DENND1A: variants seen among roughly 807,000 people sequenced by gnomAD.
DENND1A encodes DENN domain-containing protein 1A.
In DENND1A, 51 loss-of-function variants were observed where a neutral mutation model predicts 113.7. That is an observed-to-expected ratio of 0.45 (90% CI 0.36 to 0.57). The LOEUF (loss-of-function observed/expected upper bound fraction) is 0.57, where lower values mean the gene tolerates loss of function less well. DENND1A is among the 20% of genes least tolerant of loss of function. The pLI is 0.00. For missense variants in DENND1A, 1,258 were observed against 1,395.9 expected, an observed-to-expected ratio of 0.90 and a Z score of 1.57; for synonymous variants, 565 against 570.8, an observed-to-expected ratio of 0.99 and a Z score of 0.14.
intron 5 of DENND1A, among the ~76,000 whole-genome samples, chr9:123,744,770 CTTTTTTTTT>C (rs57945475): frequency 9.7e-6 from 1 of 102,732 alleles, no homozygotes; most frequent in African/African-American, 3.7e-5. Flanking sequence ...TATATTAGCT[CTTTTTTTTT>C]TTTTTTTTTT....
intron 8 of DENND1A, among the ~76,000 whole-genome samples, chr9:123,661,555 C>T (rs2063235079): frequency 6.6e-6 from 1 of 152,182 alleles, no homozygotes; most frequent in South Asian, 2.1e-4. Flanking sequence ...GCCACTGCCC[C>T]CAAAATAGCC....
intron 5 of DENND1A, among the ~76,000 whole-genome samples, chr9:123,738,083 A>C (rs768550173): frequency 6.6e-6 from 1 of 152,226 alleles, no homozygotes; most frequent in African/African-American, 2.4e-5. Flanking sequence ...ACATGTTAAC[A>C]TCTATCAAGG....
chr9:123,632,055 T>C (rs941043706), intron 9 of DENND1A, among the ~76,000 whole-genome samples: 1 of 152,196 alleles, frequency 6.6e-6, no homozygotes, highest in Non-Finnish European at 1.5e-5. Flanking sequence ...AACATTTACG[T>C]GGCGAAAGAG....
intron 5 of DENND1A, among the ~76,000 whole-genome samples, chr9:123,752,287 G>A (rs2070121652): frequency 6.6e-6 from 1 of 152,108 alleles, no homozygotes; most frequent in Non-Finnish European, 1.5e-5. Flanking sequence ...CAAGTGTTAT[G>A]TATTGCCCAT....
chr9:123,693,144 A>G (rs1170928150), intron 5 of DENND1A, among the ~76,000 whole-genome samples: 3 of 152,194 alleles, frequency 2.0e-5, no homozygotes, highest in Non-Finnish European at 2.9e-5. Context: ...GGATACAGCT[A>G]TGTAACCACC....
At chr9:123,436,950 G>A (rs949787751) in intron 19 of DENND1A, among the ~76,000 whole-genome samples, 6 of 152,154 alleles carry the variant, frequency 3.9e-5, no homozygotes, top group Non-Finnish European at 8.8e-5. Flanking sequence ...GTTTCACCAT[G>A]TTGGTCAGGC....
chr9:123,662,354 GA>G (rs1318837576), intron 8 of DENND1A, among the ~76,000 whole-genome samples: 1 of 152,176 alleles, frequency 6.6e-6, no homozygotes, highest in Admixed American at 6.5e-5. Context: ...TTGAGGTCAG[GA>G]GTTCAAGACC....
intron 21 of DENND1A, among the ~76,000 whole-genome samples, chr9:123,396,808 T>C (rs1240820505): frequency 1.3e-5 from 2 of 152,200 alleles, no homozygotes; most frequent in Admixed American, 1.3e-4. Flanking sequence ...TGAATGCCAG[T>C]CACATGTTTC....
At chr9:123,914,346 G>C (rs1239291817) in intron 1 of DENND1A, among the ~76,000 whole-genome samples, 1 of 151,764 alleles carries the variant, frequency 6.6e-6, no homozygotes, top group Non-Finnish European at 1.5e-5. Context: ...AGACTATCCT[G>C]GCTAACACAG....
chr9:123,767,960 T>C lies in DENND1A; in HGVS notation c.182+1554A>G, dbSNP rs189360321. On this transcript the variant is annotated intron_variant, in intron 4 of 23. Transcript: ENST00000394215. ...AATATGTCTTTGCCATAATTTGTCA[T>C]ACATTTTATAAGTGGCTGGAGGAGA... Among the ~76,000 whole-genome samples, 57 of 152,338 alleles carry C rather than the reference T, an allele frequency of 3.7e-4. No individual in the cohort carries two copies. In the East Asian group the frequency reaches 7.5e-3, roughly 20 times the overall value.
chr9:123,855,991 C>T (rs1256381251), intron 2 of DENND1A, among the ~76,000 whole-genome samples: 3 of 152,046 alleles, frequency 2.0e-5, no homozygotes, highest in Non-Finnish European at 4.4e-5. Context: ...GAGCCGAGAT[C>T]GCGCCATTGC....
chr9:123,637,089 G>T (rs2061745602), intron 9 of DENND1A, among the ~76,000 whole-genome samples: 1 of 152,210 alleles, frequency 6.6e-6, no homozygotes, highest in Non-Finnish European at 1.5e-5. Context: ...GCTGGCAGAG[G>T]AAGACAATCA....
At chr9:123,721,579 T>A (rs2067341979) in intron 5 of DENND1A, among the ~76,000 whole-genome samples, 1 of 152,176 alleles carries the variant, frequency 6.6e-6, no homozygotes, top group African/African-American at 2.4e-5. Flanking sequence ...CTCCCACAAT[T>A]CCCATATGTC....
intron 10 of DENND1A, among the ~76,000 whole-genome samples, chr9:123,626,591 A>C (rs1298405086): frequency 6.6e-6 from 1 of 151,610 alleles, no homozygotes; most frequent in African/African-American, 2.4e-5. Flanking sequence ...TCTGAGTGTC[A>C]GTGTCTGCCT....
chr9:123,727,827 C>A (rs117028187), intron 5 of DENND1A, among the ~76,000 whole-genome samples: 2,854 of 152,230 alleles, frequency 0.019, 63 homozygotes, highest in Non-Finnish European at 0.025. Context: ...CCTAAATAGG[C>A]CAGGCGTGGT....
At chr9:123,676,818 T>C in intron 5 of DENND1A, 29 bp from the exon 6 acceptor site, 1 of 1,606,800 alleles carries the variant, frequency 6.2e-7, no homozygotes, top group Non-Finnish European at 8.5e-7. Context: ...ACACATGAAA[T>C]ATTAGTATGC....
At chr9:123,425,804 G>A (rs949125124) in intron 19 of DENND1A, among the ~76,000 whole-genome samples, 2 of 152,224 alleles carry the variant, frequency 1.3e-5, no homozygotes, top group Admixed American at 6.5e-5. Context: ...TGGAGGTGGG[G>A]GCTTGTCAAG....
chr9:123,441,317 A>C (rs1481321970), intron 18 of DENND1A, among the ~76,000 whole-genome samples: 1 of 152,194 alleles, frequency 6.6e-6, no homozygotes, highest in Non-Finnish European at 1.5e-5. Context: ...CAGTTTTTCC[A>C]CATTTGTTTA....
chr9:123,852,024 T>G (rs973431268), intron 2 of DENND1A, among the ~76,000 whole-genome samples: 2 of 152,184 alleles, frequency 1.3e-5, no homozygotes, highest in Non-Finnish European at 2.9e-5. Context: ...CCCAGCGTAT[T>G]TGGGGACCGC....
Sources: allele counts gnomAD v4.1 joint callset (sites outside exome capture counted in the v4.1 genomes callset), GRCh38; gene constraint gnomAD v4.1.1; transcripts MANE v1.5; gene names NCBI Gene and HGNC (gene_info 2026-07-23, HGNC 2026-07-21).